Variants in AGTPBP1 observed in about 807,000 individuals in gnomAD.
AGTPBP1 encodes ATP/GTP binding carboxypeptidase 1, also known as cytosolic carboxypeptidase 1.
In AGTPBP1, 70 loss-of-function variants were observed where a neutral mutation model predicts 143.9. The observed-to-expected ratio is 0.49, with a 90% CI of 0.40 to 0.59. AGTPBP1 has a LOEUF of 0.59. AGTPBP1 is among the 20% of genes least tolerant of loss of function. AGTPBP1 has a pLI of 0.00. For missense variants in AGTPBP1, 1,229 were observed against 1,464.5 expected, an observed-to-expected ratio of 0.84 and a Z score of 2.62; for synonymous variants, 463 against 500.2, an observed-to-expected ratio of 0.93 and a Z score of 0.99.
At chr9:85,676,014 C>A (rs1490160011) in intron 6 of AGTPBP1, among the ~76,000 whole-genome samples, 3 of 151,792 alleles carry the variant, frequency 2.0e-5, no homozygotes, top group East Asian at 1.9e-4. Context: ...ACACAGTGAG[C>A]CTCCGTCTCA....
At chr9:85,593,498 G>A (rs1405068813) in intron 18 of AGTPBP1, among the ~76,000 whole-genome samples, 2 of 152,154 alleles carry the variant, frequency 1.3e-5, no homozygotes. Flanking sequence ...GGCAATCGGG[G>A]AAGTCTGAAC....
intron 1 of AGTPBP1, among the ~76,000 whole-genome samples, chr9:85,731,960 T>C (rs2134744510): frequency 6.6e-6 from 1 of 152,262 alleles, no homozygotes; most frequent in African/African-American, 2.4e-5. Flanking sequence ...TTATAAAAAG[T>C]CTAATTAGTT....
intron 21 of AGTPBP1, among the ~76,000 whole-genome samples, chr9:85,587,412 T>C (rs1796792483): frequency 6.6e-6 from 1 of 152,186 alleles, no homozygotes. Flanking sequence ...AAGTATACAC[T>C]GTTGTAAAAC....
intron 13 of AGTPBP1, among the ~76,000 whole-genome samples, chr9:85,639,334 T>C (rs536530767): frequency 1.3e-5 from 2 of 150,804 alleles, no homozygotes; most frequent in South Asian, 2.1e-4. Context: ...TATCTATGCA[T>C]GCATACATAC....
chr9:85,568,359 G>A (rs576549289), intron 25 of AGTPBP1, among the ~76,000 whole-genome samples: 15 of 152,166 alleles, frequency 9.9e-5, no homozygotes, highest in Non-Finnish European at 2.2e-4. Context: ...TACAGAAAAA[G>A]TTGTAAAACA....
chr9:85,749,673 C>A, the AGTPBP1 span, among the ~76,000 whole-genome samples: 1 of 152,148 alleles, frequency 6.6e-6, no homozygotes, highest in African/African-American at 2.4e-5. Context: ...TTTAACCACC[C>A]ATTTCCTCAT....
At chr9:85,589,909 T>C (rs925841086) in intron 19 of AGTPBP1, among the ~76,000 whole-genome samples, 3 of 152,072 alleles carry the variant, frequency 2.0e-5, no homozygotes, top group African/African-American at 7.2e-5. Context: ...AGGGTCGGGG[T>C]AGCAATCTGT....
At position 85,672,600 on chromosome 9, in the gene AGTPBP1, T is replaced by C. The variant is rs1188963782; in HGVS notation, c.518A>G (p.His173Arg). 4 of 1,613,784 alleles carry C rather than the reference T, an allele frequency of 2.5e-6. No homozygotes were observed. The highest frequency in any genetic ancestry group is 3.4e-6 in the Non-Finnish European group (4 of 1,179,964). ...CTGAAGGCAAGGTAGAACCAAGCGA[T>C]GATTCTGCAAATTCTGCTTGACCAA... ...LNLVKQNLQNHRLVLPCLQLL... is the reference protein window; with the variant it reads ...LNLVKQNLQNRRLVLPCLQLL... Residue 173 changes from histidine to arginine, a missense_variant, in exon 7 of 26, where the codon CAT becomes CGT. By Grantham distance (29) the His-to-Arg change is conservative. Coordinates refer to ENST00000357081, the MANE Select transcript of AGTPBP1 (RefSeq NM_001330701.2).
At chr9:85,667,860 A>T (rs1456938629) in intron 8 of AGTPBP1, among the ~76,000 whole-genome samples, 2 of 151,630 alleles carry the variant, frequency 1.3e-5, no homozygotes, top group Non-Finnish European at 2.9e-5. Context: ...AATCAAATAT[A>T]ATGTATAGAC....
chr9:85,757,827 CTA>C, the AGTPBP1 span, among the ~76,000 whole-genome samples: 2 of 152,174 alleles, frequency 1.3e-5, no homozygotes, highest in African/African-American at 4.8e-5. Context: ...AGTCATGAAA[CTA>C]TTTTTTCTCA....
At chr9:85,786,409 A>G in the AGTPBP1 span, 1 of 1,614,024 alleles carries the variant, frequency 6.2e-7, no homozygotes, top group Non-Finnish European at 8.5e-7. Context: ...AGGTTGTGGG[A>G]AATGTGGGAC....
intron 3 of AGTPBP1, among the ~76,000 whole-genome samples, chr9:85,688,720 G>C (rs1454277028): frequency 2.0e-5 from 3 of 152,216 alleles, no homozygotes; most frequent in Non-Finnish European, 4.4e-5. Context: ...TACATAAGTA[G>C]TTAACGAGAG....
intron 17 of AGTPBP1, among the ~76,000 whole-genome samples, chr9:85,606,275 C>T (rs1366001045): frequency 6.6e-6 from 1 of 150,874 alleles, no homozygotes; most frequent in Non-Finnish European, 1.5e-5. Flanking sequence ...AGAAGATATA[C>T]AAATGGCCAA....
intron 25 of AGTPBP1, among the ~76,000 whole-genome samples, chr9:85,566,430 C>T (rs536980558): frequency 1.4e-5 from 2 of 147,290 alleles, no homozygotes; most frequent in Admixed American, 6.9e-5. Context: ...CTTAGGAGGC[C>T]GAGATGGGAG....
chr9:85,761,837 A>G, the AGTPBP1 span, among the ~76,000 whole-genome samples: 6 of 152,334 alleles, frequency 3.9e-5, no homozygotes, highest in Non-Finnish European at 8.8e-5. Context: ...GTGAGCAGGC[A>G]AACTACAAAA....
At chr9:85,698,259 A>G (rs1426695586) in intron 2 of AGTPBP1, among the ~76,000 whole-genome samples, 4 of 152,236 alleles carry the variant, frequency 2.6e-5, no homozygotes, top group African/African-American at 9.6e-5. Flanking sequence ...ATTTACCACT[A>G]CAAAAGAAAA....
rs201090962 is a variant in AGTPBP1 at position 85,657,559 on chromosome 9, C to T, written c.785G>A (p.Arg262Gln). 52 of 1,613,780 alleles carry T rather than the reference C, an allele frequency of 3.2e-5. No individual in the cohort carries two copies. In the East Asian group the frequency reaches 3.3e-4, roughly 10 times the overall value. ...IYVDWHRHDN[R>Q]HRNMLIRKGI... ...TTTCCGAATGAGCATGTTTCTATGC[C>T]GGTTATCATGGCGGTGCCAATCTAC... Residue 262 changes from arginine to glutamine, a missense_variant, in exon 10 of 26, where the codon CGG (arginine) becomes CAG (glutamine). By Grantham distance (43) the Arg-to-Gln change is conservative (BLOSUM62 1). Coordinates refer to ENST00000357081, the MANE Select transcript of AGTPBP1 (RefSeq NM_001330701.2).
chr9:85,731,829 A>G (rs973913718), intron 1 of AGTPBP1, among the ~76,000 whole-genome samples: 1 of 152,228 alleles, frequency 6.6e-6, no homozygotes, highest in African/African-American at 2.4e-5. Context: ...AATTTTATCA[A>G]AAAGTATGGG....
chr9:85,689,657 G>C (rs916000936), intron 3 of AGTPBP1, among the ~76,000 whole-genome samples: 61 of 151,866 alleles, frequency 4.0e-4, no homozygotes, highest in African/African-American at 1.4e-3. Context: ...CACTGTGGGA[G>C]GCCGAGACCG....
Sources: gnomAD v4.1 joint callset for allele counts (sites outside exome capture counted in the v4.1 genomes callset) on GRCh38, gnomAD v4.1.1 for gene constraint, MANE v1.5 for transcripts, NCBI Gene and HGNC (gene_info 2026-07-23, HGNC 2026-07-21) for gene names.